DEK: variants seen among roughly 807,000 people sequenced by gnomAD.
DEK encodes the protein protein DEK.
Under a neutral mutation model 46.8 loss-of-function variants are expected in DEK, and 28 were observed. The observed-to-expected ratio is 0.60, with a 90% CI of 0.44 to 0.82. The LOEUF is 0.82. Ranked by LOEUF, DEK falls within the 40% of genes least tolerant of loss-of-function variation. The pLI is 0.00. For synonymous variants in DEK, 160 were observed against 144.5 expected (o/e 1.11, Z -0.77); for missense variants, 416 against 430.6 (o/e 0.97, Z 0.30).
At chr6:18,244,921 T>A (rs1582275440) in intron 7 of DEK, among the ~76,000 whole-genome samples, 1 of 152,360 alleles carries the variant, frequency 6.6e-6, no homozygotes, top group East Asian at 1.9e-4. Flanking sequence ...CACTACCAGA[T>A]AATCCCTTGA....
chr6:18,247,619 C>G (rs1484728036), intron 7 of DEK, among the ~76,000 whole-genome samples: 3 of 151,894 alleles, frequency 2.0e-5, no homozygotes, highest in African/African-American at 4.8e-5. Flanking sequence ...ACTACCTCTA[C>G]AGAACTATGG....
intron 6 of DEK, among the ~76,000 whole-genome samples, chr6:18,254,118 G>A (rs2151091640): frequency 6.6e-6 from 1 of 152,270 alleles, no homozygotes; most frequent in Middle Eastern, 3.4e-3. Flanking sequence ...ATCACCTGAG[G>A]TCAGGAGTTC....
chr6:18,224,372 G>T lies in DEK; in HGVS notation c.*1347C>A, dbSNP rs1790017894. 1 of 187,534 alleles carries T rather than the reference G, an allele frequency of 5.3e-6. No homozygotes were observed. The highest frequency in any genetic ancestry group is 1.1e-5 in the Non-Finnish European group (1 of 89,020). 11.6% of individuals were successfully genotyped at this position (187,534 alleles called of 1,614,324 possible). On this transcript the variant is annotated 3_prime_UTR_variant, in exon 11 of 11. Coordinates refer to ENST00000652689, the MANE Select transcript of DEK (RefSeq NM_003472.4). ...TCAACATATATTTTTATATATTTCTGTTCTATGATGCAAAGATATTTTTCA... is the reference window on the plus strand; with the variant it reads ...TCAACATATATTTTTATATATTTCTTTTCTATGATGCAAAGATATTTTTCA...
At chr6:18,227,703 C>G (rs1340500467) in intron 9 of DEK, among the ~76,000 whole-genome samples, 1 of 152,186 alleles carries the variant, frequency 6.6e-6, no homozygotes, top group African/African-American at 2.4e-5. Context: ...TTCAACAGAG[C>G]AAGACCCTGT....
chr6:18,243,236 G>C (rs964397386), intron 7 of DEK, among the ~76,000 whole-genome samples: 1 of 152,160 alleles, frequency 6.6e-6, no homozygotes, highest in African/African-American at 2.4e-5. Context: ...AAAGCACATG[G>C]TATATACACT....
chr6:18,234,773 AC>A (rs1462715106), intron 9 of DEK, among the ~76,000 whole-genome samples: 1 of 151,300 alleles, frequency 6.6e-6, no homozygotes, highest in Non-Finnish European at 1.5e-5. Context: ...TCTCCCCTCC[AC>A]CCCTACTACC....
intron 9 of DEK, among the ~76,000 whole-genome samples, chr6:18,229,958 A>T (rs1790334153): frequency 6.6e-6 from 1 of 152,250 alleles, no homozygotes; most frequent in South Asian, 2.1e-4. Context: ...GAAGGAAAAA[A>T]TGTCAAGGGC....
chr6:18,250,859 T>C (rs1791349391), intron 6 of DEK, among the ~76,000 whole-genome samples: 1 of 152,152 alleles, frequency 6.6e-6, no homozygotes, highest in African/African-American at 2.4e-5. Context: ...AACTATACGG[T>C]TTATATTCAT....
In DEK at chr6:18,225,345, C is replaced by A. The variant is rs958568904; in HGVS notation, c.*374G>T. 1.2e-5 allele frequency: 3 copies of A among 250,866 alleles called. No individual in the cohort carries two copies. The highest frequency in any genetic ancestry group is 2.3e-5 in the Non-Finnish European group (3 of 130,160). The allele number at this position is 250,866 out of a possible 1,614,324, so 15.5% of individuals were successfully genotyped here. On this transcript the variant is annotated 3_prime_UTR_variant, in exon 11 of 11. Coordinates refer to ENST00000652689, the MANE Select transcript of DEK (RefSeq NM_003472.4). ...TACTACAATCTCTGTATGTATAAAT[C>A]CTGGTGATAATAGTTTTTGTTCTAC...
intron 9 of DEK, among the ~76,000 whole-genome samples, chr6:18,235,088 T>C (rs1561976569): frequency 2.0e-5 from 3 of 152,214 alleles, no homozygotes; most frequent in Admixed American, 6.5e-5. Flanking sequence ...ATTTTAATGA[T>C]GATATAACTG....
At position 18,249,669 on chromosome 6, in the gene DEK, A is replaced by T; in HGVS notation, c.744T>A (p.Asp248Glu). The change falls in exon 7 of 11, where the codon GAT becomes GAA. Residue 248 changes from aspartate (D) to glutamate (E), a missense_variant. Asp to Glu is a conservative substitution (Grantham distance 45). Coordinates refer to ENST00000652689, the MANE Select transcript of DEK (RefSeq NM_003472.4). The part of the protein sequence containing the change: ...KNKEESSDDE[D>E]KESEEEPPKK... ...ATTTTACCTCCTCTTCACTTTCTTT[A>T]TCTTCATCATCTGAAGACTCTTCCT... The T allele has an allele frequency of 6.3e-7, 1 of 1,583,626 alleles. No homozygotes were observed. The highest frequency in any genetic ancestry group is 8.5e-7 in the Non-Finnish European group (1 of 1,170,802).
intron 7 of DEK, among the ~76,000 whole-genome samples, chr6:18,238,767 TTTAA>T (rs1489739512): frequency 6.6e-6 from 1 of 152,110 alleles, no homozygotes; most frequent in African/African-American, 2.4e-5. Flanking sequence ...TAATTCTTAG[TTTAA>T]TTAATGTTCC....
intron 7 of DEK, among the ~76,000 whole-genome samples, chr6:18,245,510 T>G (rs1168920538): frequency 6.6e-6 from 1 of 151,386 alleles, no homozygotes; most frequent in African/African-American, 2.4e-5. Flanking sequence ...ACAGTTTGTT[T>G]CATACTTTCG....
Position 18,263,856 on chromosome 6 carries a change from CTCCTCCTCCTCGTCG to C in DEK, c.117_131del (p.Asp39_Glu43del), listed in dbSNP as rs752920097. ...GACTCCCCCCACCTTTTTCCTCCTC[CTCCTCCTCCTCGTCG>C]TCCTCGTCCTCTTCCTCCTCGCTCT... On this transcript the variant is annotated inframe_deletion, in exon 2 of 11. Coordinates refer to ENST00000652689, the MANE Select transcript of DEK (RefSeq NM_003472.4). 2.5e-6 allele frequency: 4 copies of C among 1,612,696 alleles called. No individual in the cohort carries two copies. In the South Asian group the frequency reaches 4.4e-5, roughly 18 times the overall value.
In DEK at chr6:18,230,959, T is replaced by C. The variant is rs567851798; in HGVS notation, c.1048-4717A>G. 4.4e-3 allele frequency among the ~76,000 whole-genome samples: 668 copies of C among 152,238 alleles called. 5 individuals are homozygous for C. The highest frequency in any genetic ancestry group is 0.015 in the African/African-American group (643 of 41,508). On this transcript the variant is annotated intron_variant, in intron 9 of 10. Coordinates refer to ENST00000652689, the MANE Select transcript of DEK (RefSeq NM_003472.4). ...GCACTACATCGCACTTATTCCAAAA[T>C]TGACCACATAGTTGGAAGTAAAGCA...
chr6:18,233,496 T>A (rs1458921640), intron 9 of DEK, among the ~76,000 whole-genome samples: 8 of 151,960 alleles, frequency 5.3e-5, no homozygotes, highest in Non-Finnish European at 1.2e-4. Flanking sequence ...AACTTAAATT[T>A]ACAAGAAAAA....
At chr6:18,250,325 C>T (rs1248576896) in intron 6 of DEK, among the ~76,000 whole-genome samples, 9 of 151,978 alleles carry the variant, frequency 5.9e-5, no homozygotes, top group South Asian at 2.1e-4. Flanking sequence ...AAAAATTAGC[C>T]GGGCGTGGTG....
intron 6 of DEK, among the ~76,000 whole-genome samples, chr6:18,251,730 C>T (rs1346785038): frequency 6.6e-6 from 1 of 152,194 alleles, no homozygotes; most frequent in African/African-American, 2.4e-5. Context: ...GCTCTTACTA[C>T]TTGTTACATG....
intron 9 of DEK, among the ~76,000 whole-genome samples, chr6:18,230,427 G>A (rs1015935764): frequency 3.9e-5 from 6 of 152,156 alleles, no homozygotes; most frequent in Non-Finnish European, 2.9e-5. Context: ...AAAAGACACA[G>A]ACTGACAAAC....
Sources: gnomAD v4.1 joint callset for allele counts (sites outside exome capture counted in the v4.1 genomes callset) on GRCh38, gnomAD v4.1.1 for gene constraint, MANE v1.5 for transcripts, NCBI Gene and HGNC (gene_info 2026-07-23, HGNC 2026-07-21) for gene names.